The following KIAA0825 variants were observed in gnomAD, a reference collection of about 807,000 sequenced individuals.
KIAA0825 encodes the protein KIAA0825.
In KIAA0825, 119 loss-of-function variants were observed where a neutral mutation model predicts 147.6. The observed-to-expected ratio is 0.81, with a 90% CI of 0.69 to 0.94. The LOEUF is 0.94. Among genes scored for constraint, KIAA0825 ranks in the 40% least tolerant of loss-of-function variants. The probability of loss-of-function intolerance (pLI) is 0.00; values close to 1 mark genes in which losing one functional copy is unlikely to be tolerated. For missense variants in KIAA0825, 1,381 were observed against 1,472.7 expected, an observed-to-expected ratio of 0.94 and a Z score of 1.02; for synonymous variants, 470 against 518.1, an observed-to-expected ratio of 0.91 and a Z score of 1.26.
intron 2 of KIAA0825, among the ~76,000 whole-genome samples, chr5:94,554,432 C>T (rs949878698): frequency 1.2e-4 from 19 of 152,068 alleles, no homozygotes; most frequent in South Asian, 2.1e-4. Context: ...TAAACCGACC[C>T]GGTCACCATT....
intron 20 of KIAA0825, among the ~76,000 whole-genome samples, chr5:94,296,324 G>A (rs1356907788): frequency 6.6e-6 from 1 of 152,118 alleles, no homozygotes; most frequent in Non-Finnish European, 1.5e-5. Flanking sequence ...CAAGCCAGTG[G>A]ATCTTAGCTT....
intron 1 of KIAA0825, among the ~76,000 whole-genome samples, chr5:94,598,349 C>T (rs965554408): frequency 6.6e-6 from 1 of 152,010 alleles, no homozygotes; most frequent in Non-Finnish European, 1.5e-5. Context: ...TCACAGACTT[C>T]CACCTCCACA....
chr5:94,454,621 A>C (rs890581866), intron 12 of KIAA0825, among the ~76,000 whole-genome samples: 11 of 152,320 alleles, frequency 7.2e-5, no homozygotes, highest in African/African-American at 2.6e-4. Flanking sequence ...CAGACCAGGT[A>C]CCAGGATATG....
intron 13 of KIAA0825, among the ~76,000 whole-genome samples, chr5:94,448,786 G>A (rs1272738971): frequency 6.6e-6 from 1 of 152,156 alleles, no homozygotes; most frequent in East Asian, 1.9e-4. Context: ...ACAGGTGAGG[G>A]AAATGAATGG....
At chr5:94,287,136 T>C (rs1440895565) in intron 20 of KIAA0825, among the ~76,000 whole-genome samples, 2 of 152,192 alleles carry the variant, frequency 1.3e-5, no homozygotes, top group Non-Finnish European at 2.9e-5. Flanking sequence ...TGAGTTAATG[T>C]ATATAAAGTC....
intron 4 of KIAA0825, among the ~76,000 whole-genome samples, chr5:94,522,453 T>C (rs1047018827): frequency 1.2e-4 from 18 of 151,712 alleles, no homozygotes; most frequent in Non-Finnish European, 2.4e-4. Flanking sequence ...TAACTGTAAA[T>C]ATTTGATCAA....
At chr5:94,289,605 T>C (rs533979247) in intron 20 of KIAA0825, among the ~76,000 whole-genome samples, 11 of 150,922 alleles carry the variant, frequency 7.3e-5, no homozygotes, top group Admixed American at 1.3e-4. Context: ...AGAACAACCA[T>C]TGTTCTAAAG....
intron 5 of KIAA0825, among the ~76,000 whole-genome samples, chr5:94,494,517 C>T (rs116690937): frequency 6.6e-6 from 1 of 152,098 alleles, no homozygotes; most frequent in Non-Finnish European, 1.5e-5. Context: ...GTTTAACTCC[C>T]AGTTGTAAAT....
chr5:94,202,935 T>C, intron 20 of KIAA0825, among the ~76,000 whole-genome samples: 1 of 152,196 alleles, frequency 6.6e-6, no homozygotes, highest in East Asian at 1.9e-4. Flanking sequence ...CAGAGCACCA[T>C]TTCATATCAT....
In KIAA0825 at chr5:94,197,218, G is replaced by A. The variant is rs537403935; in HGVS notation, c.3711-43094C>T. On this transcript the variant is annotated intron_variant, in intron 20 of 20. Transcript: ENST00000682413. ...TTGATTTGCATTTCTTGAATGATTC[G>A]TGATGTTGACCATTTTTTTCACATG... is the stretch of plus-strand genomic sequence containing the variant. 9.3e-4 allele frequency among the ~76,000 whole-genome samples: 141 copies of A among 152,218 alleles called. 2 individuals carry two copies. The highest frequency in any genetic ancestry group is 8.2e-3 in the Admixed American group (125 of 15,290).
rs1223043855 is a variant in KIAA0825, at chr5:94,520,362, C to T, written c.856G>A (p.Glu286Lys). The T allele has an allele frequency of 1.2e-6, 2 of 1,613,356 alleles. No homozygotes were observed. The highest frequency in any genetic ancestry group is 2.7e-5 in the African/African-American group (2 of 74,906). ...KETYLDTVTE[E>K]MAKFLENFCE... Reference sequence around the variant, plus strand: ...AAATTTTCAAGAAATTTTGCCATTTCTTCTGTAACAGTATCCAGGTAAGTT... The same window carrying T: ...AAATTTTCAAGAAATTTTGCCATTTTTTCTGTAACAGTATCCAGGTAAGTT... The change falls in exon 5 of 21, where the codon GAA becomes AAA. Residue 286 changes from glutamate to lysine, a missense_variant. Transcript: ENST00000682413.
intron 20 of KIAA0825, among the ~76,000 whole-genome samples, chr5:94,375,232 T>C (rs530190983): frequency 4.0e-4 from 61 of 151,974 alleles, no homozygotes; most frequent in African/African-American, 1.5e-3. Context: ...AGGGTTTCAC[T>C]ATGTTAGCCA....
chr5:94,544,255 A>G (rs888038995), intron 2 of KIAA0825, among the ~76,000 whole-genome samples: 1 of 152,216 alleles, frequency 6.6e-6, no homozygotes, highest in Non-Finnish European at 1.5e-5. Context: ...ATTGTGTTCA[A>G]CACTCATAGC....
At chr5:94,273,745 C>T in intron 20 of KIAA0825, among the ~76,000 whole-genome samples, 1 of 151,794 alleles carries the variant, frequency 6.6e-6, no homozygotes, top group South Asian at 2.1e-4. Context: ...TAGTTATCTC[C>T]TATTTTATTG....
chr5:94,198,570 G>A (rs994267873), intron 20 of KIAA0825, among the ~76,000 whole-genome samples: 1 of 152,078 alleles, frequency 6.6e-6, no homozygotes, highest in African/African-American at 2.4e-5. Flanking sequence ...GACACAGGGA[G>A]GGGAACATCA....
intron 20 of KIAA0825, among the ~76,000 whole-genome samples, chr5:94,250,561 C>A (rs1461922935): frequency 1.3e-5 from 2 of 152,056 alleles, no homozygotes; most frequent in Non-Finnish European, 2.9e-5. Context: ...CATGAAATAA[C>A]CTTGGTTGAA....
intron 2 of KIAA0825, among the ~76,000 whole-genome samples, chr5:94,577,452 C>T (rs1262324553): frequency 1.3e-5 from 2 of 152,108 alleles, no homozygotes; most frequent in Non-Finnish European, 1.5e-5. Context: ...GAAGTGTAGT[C>T]CAAAACTAAT....
At chr5:94,286,378 T>G (rs1275265929) in intron 20 of KIAA0825, among the ~76,000 whole-genome samples, 1 of 152,070 alleles carries the variant, frequency 6.6e-6, no homozygotes, top group Non-Finnish European at 1.5e-5. Flanking sequence ...CATACACACT[T>G]ATAATGATCA....
At chr5:94,473,966 A>G (rs191106331) in intron 7 of KIAA0825, among the ~76,000 whole-genome samples, 30 of 152,242 alleles carry the variant, frequency 2.0e-4, no homozygotes, top group African/African-American at 7.0e-4. Flanking sequence ...TTAATATTCA[A>G]CTTTCATTTC....
Sources: gnomAD v4.1 joint callset for allele counts (sites outside exome capture counted in the v4.1 genomes callset) on GRCh38, gnomAD v4.1.1 for gene constraint, MANE v1.5 for transcripts, NCBI Gene and HGNC (gene_info 2026-07-23, HGNC 2026-07-21) for gene names.